Variants in XPOT observed in about 807,000 individuals in gnomAD.
XPOT encodes exportin for tRNA, also known as exportin-T.
XPOT carries 34 observed loss-of-function variants against 128.2 expected under a neutral mutation model. That is an observed-to-expected ratio of 0.27 (90% CI 0.20 to 0.35). The LOEUF is 0.35. Ranked by LOEUF, XPOT falls within the 10% of genes least tolerant of loss-of-function variation. The pLI is 1.00. For missense variants in XPOT, 838 were observed against 1,125.3 expected, an observed-to-expected ratio of 0.74 and a Z score of 3.65; for synonymous variants, 348 against 394.3, an observed-to-expected ratio of 0.88 and a Z score of 1.39.
intron 19 of XPOT, among the ~76,000 whole-genome samples, 195 bp downstream of exon 19, chr12:64,433,798 C>T (rs544462380): frequency 1.3e-5 from 2 of 152,164 alleles, no homozygotes; most frequent in South Asian, 4.2e-4. Flanking sequence ...TATTCTGTTC[C>T]TTTTTCTTTC....
chr12:64,416,923 G>T (rs2040092607), intron 4 of XPOT, among the ~76,000 whole-genome samples, 169 bp downstream of exon 4: 1 of 152,138 alleles, frequency 6.6e-6, no homozygotes, highest in African/African-American at 2.4e-5. Flanking sequence ...TTTTAAAAGT[G>T]CTGAGTTGGC....
intron 23 of XPOT, among the ~76,000 whole-genome samples, chr12:64,443,947 AAAT>A (rs964102164): frequency 1.3e-5 from 2 of 152,194 alleles, no homozygotes; most frequent in African/African-American, 4.8e-5. Flanking sequence ...ATTTTAATGA[AAAT>A]AATAAATTAC....
At position 64,433,481 on chromosome 12, in the gene XPOT, T is replaced by C. The variant is rs371933906; in HGVS notation, c.2330T>C (p.Leu777Pro). The C allele has an allele frequency of 4.3e-6, 7 of 1,610,510 alleles. No individual in the cohort carries two copies. The highest frequency in any genetic ancestry group is 8.5e-7 in the Non-Finnish European group (1 of 1,177,956). The change falls in exon 19 of 25, where the codon CTC becomes CCC. Residue 777 changes from leucine to proline, a missense_variant. Coordinates refer to ENST00000332707, the MANE Select transcript of XPOT (RefSeq NM_007235.6). Reference protein sequence around the residue: ...PLLHAIFEVLLRPAEENDQSA... With the variant: ...PLLHAIFEVLPRPAEENDQSA... ...CTTCATGCAATTTTTGAAGTGCTGC[T>C]CCGGCCAGCAGAAGAAAATGACCAG...
chr12:64,441,574 C>A (rs1208295104), intron 23 of XPOT, among the ~76,000 whole-genome samples: 1 of 152,106 alleles, frequency 6.6e-6, no homozygotes, highest in African/African-American at 2.4e-5. Flanking sequence ...TTTGTTTTTT[C>A]TATTTCTATA....
chr12:64,431,487 C>T (rs2040237983), intron 17 of XPOT, 51 bp from the exon 18 acceptor site: 2 of 1,575,548 alleles, frequency 1.3e-6, no homozygotes, highest in South Asian at 1.1e-5. Flanking sequence ...TACTCCATAA[C>T]ACTTTTAAAG....
chr12:64,418,240 T>A lies in XPOT; in HGVS notation c.270+125T>A, dbSNP rs1386031470. 29 of 719,630 alleles carry A rather than the reference T, an allele frequency of 4.0e-5. No homozygotes were observed. The East Asian group carries it at 6.7e-4, about 17-fold the overall frequency. 44.6% of individuals were successfully genotyped at this position (719,630 alleles called of 1,614,324 possible). On this transcript the variant is annotated intron_variant, in intron 5 of 24. Coordinates refer to ENST00000332707, the MANE Select transcript of XPOT (RefSeq NM_007235.6). ...CCTCCATTTGATTTCATAGCTTTTT[T>A]AAAAGGTGCTGGTTTTAAAGATCAT...
intron 23 of XPOT, among the ~76,000 whole-genome samples, chr12:64,440,990 G>A (rs2040320704): frequency 6.6e-6 from 1 of 152,012 alleles, no homozygotes; most frequent in South Asian, 2.1e-4. Flanking sequence ...GTAGCTTTTC[G>A]TGATATCAAT....
intron 11 of XPOT, 73 bp from the exon 12 acceptor site, chr12:64,424,526 A>T: frequency 6.4e-7 from 1 of 1,564,462 alleles, no homozygotes; most frequent in Non-Finnish European, 8.7e-7. Flanking sequence ...ATAGGTATAC[A>T]TGTAGCCATG....
chr12:64,445,195 A>G, intron 24 of XPOT, 64 bp downstream of exon 24: 2 of 1,228,930 alleles, frequency 1.6e-6, no homozygotes, highest in South Asian at 1.3e-5. Context: ...CCAAGAGAGA[A>G]TACATACCTG....
At chr12:64,421,870 T>C (rs1235254875) in intron 9 of XPOT, among the ~76,000 whole-genome samples, 2 of 152,148 alleles carry the variant, frequency 1.3e-5, no homozygotes, top group Non-Finnish European at 2.9e-5. Flanking sequence ...TGGAGTGCAA[T>C]GGCGTGATGT....
At chr12:64,420,830 T>C (rs905774491) in intron 8 of XPOT, among the ~76,000 whole-genome samples, 17 of 152,224 alleles carry the variant, frequency 1.1e-4, no homozygotes, top group African/African-American at 4.1e-4. Context: ...AGATGGAGTC[T>C]CACTCTGTTG....
intron 15 of XPOT, among the ~76,000 whole-genome samples, chr12:64,426,298 C>CAAAAAAAAAA (rs144538945): frequency 8.1e-6 from 1 of 123,716 alleles, no homozygotes. Flanking sequence ...GACTCAGTCT[C>CAAAAAAAAAA]AAAAAAAAAA....
chr12:64,445,573 CTG>C (rs1431279528), intron 24 of XPOT, among the ~76,000 whole-genome samples: 2 of 151,782 alleles, frequency 1.3e-5, no homozygotes, highest in East Asian at 1.9e-4. Flanking sequence ...TTTTTTAACT[CTG>C]TAAATCAACA....
intron 4 of XPOT, 80 bp downstream of exon 4, chr12:64,416,834 A>T: frequency 4.9e-6 from 6 of 1,224,016 alleles, no homozygotes; most frequent in Non-Finnish European, 7.1e-6. Flanking sequence ...TTCCATAAGG[A>T]AACCATAATA....
intron 1 of XPOT, among the ~76,000 whole-genome samples, chr12:64,406,025 G>A (rs1363656643): frequency 6.6e-6 from 1 of 152,072 alleles, no homozygotes; most frequent in Non-Finnish European, 1.5e-5. Context: ...TTTTCCTTAG[G>A]GCCACTTCAT....
intron 20 of XPOT, 65 bp downstream of exon 20, chr12:64,434,688 G>T: frequency 6.5e-7 from 1 of 1,535,934 alleles, no homozygotes; most frequent in Non-Finnish European, 9.0e-7. Flanking sequence ...TAGACATAAT[G>T]GAACATAGCC....
intron 2 of XPOT, 152 bp downstream of exon 2, chr12:64,410,247 A>G: frequency 1.6e-6 from 1 of 630,724 alleles, no homozygotes; most frequent in Non-Finnish European, 2.7e-6. Flanking sequence ...TTGAATATAG[A>G]AACAGTGAGT....
At chr12:64,447,419 T>C (rs2040374884) in intron 24 of XPOT, among the ~76,000 whole-genome samples, 1 of 152,246 alleles carries the variant, frequency 6.6e-6, no homozygotes, top group East Asian at 1.9e-4. Context: ...AAATAAATAG[T>C]AAATTCCTTA....
At chr12:64,416,615 G>C in intron 3 of XPOT, 83 bp from the exon 4 acceptor site, 1 of 1,120,652 alleles carries the variant, frequency 8.9e-7, no homozygotes, top group South Asian at 1.3e-5. Flanking sequence ...CTTTTCTGCT[G>C]TATTACTCAT....
Sources: allele counts gnomAD v4.1 joint callset (sites outside exome capture counted in the v4.1 genomes callset), GRCh38; gene constraint gnomAD v4.1.1; transcripts MANE v1.5; gene names NCBI Gene and HGNC (gene_info 2026-07-23, HGNC 2026-07-21).